The following PLA2G4A variants were observed in gnomAD, a reference collection of about 807,000 sequenced individuals.
PLA2G4A encodes the protein phospholipase A2 group IVA.
A neutral mutation model predicts 81.9 loss-of-function variants in PLA2G4A; 40 were observed. That is an observed-to-expected ratio of 0.49 (90% confidence interval 0.38 to 0.64). PLA2G4A has a LOEUF of 0.64. Ranked by LOEUF, PLA2G4A falls within the 30% of genes least tolerant of loss-of-function variation. The pLI is 0.00. For missense variants in PLA2G4A, 715 were observed against 905.1 expected (o/e 0.79, Z 2.69); for synonymous variants, 302 against 296.9 (o/e 1.02, Z -0.18).
At chr1:186,925,959 G>T (rs1298748424) in intron 7 of PLA2G4A, among the ~76,000 whole-genome samples, 3 of 152,176 alleles carry the variant, frequency 2.0e-5, no homozygotes, top group Non-Finnish European at 4.4e-5. Context: ...ATGCATGAGG[G>T]CACAGATTTA....
At position 186,950,674 on chromosome 1, in the gene PLA2G4A, C is replaced by T. The variant is rs1345075434; in HGVS notation, c.1282C>T (p.His428Tyr). ...TTTCACAGAAAATATTACCACAAAG[C>T]ATATTGTGAGTAATGATAGCTCGGA... is the stretch of plus-strand genomic sequence containing the variant. Reference protein sequence around the residue: ...EEELENITTKHIVSNDSSDSD... With the variant: ...EEELENITTKYIVSNDSSDSD... Residue 428 changes from histidine (H) to tyrosine (Y), a missense_variant, in exon 13 of 18, where the codon CAT becomes TAT. Physicochemically the swap from His to Tyr is moderately conservative, Grantham distance 83. Coordinates refer to ENST00000367466, the MANE Select transcript of PLA2G4A (RefSeq NM_024420.3). 2 of 1,586,868 alleles carry T rather than the reference C, an allele frequency of 1.3e-6. No individual in the cohort carries two copies. The highest frequency in any genetic ancestry group is 1.3e-5 in the African/African-American group (1 of 74,278).
At chr1:186,921,935 A>G (rs1655368459) in intron 7 of PLA2G4A, among the ~76,000 whole-genome samples, 2 of 152,244 alleles carry the variant, frequency 1.3e-5, no homozygotes, top group Non-Finnish European at 1.5e-5. Flanking sequence ...ACCCTGTGCC[A>G]TACCTTTGAC....
intron 7 of PLA2G4A, among the ~76,000 whole-genome samples, chr1:186,931,489 C>T (rs955159194): frequency 6.6e-6 from 1 of 150,788 alleles, no homozygotes; most frequent in African/African-American, 2.4e-5. Context: ...GCAGATTTAT[C>T]TTTCCCAATT....
intron 2 of PLA2G4A, among the ~76,000 whole-genome samples, chr1:186,858,788 G>C (rs1281062168): frequency 1.3e-5 from 2 of 151,902 alleles, no homozygotes; most frequent in Non-Finnish European, 1.5e-5. Flanking sequence ...TCCAACATCA[G>C]GCTTAGACAG....
chr1:186,832,565 A>G (rs906829706), intron 1 of PLA2G4A, among the ~76,000 whole-genome samples: 1 of 152,186 alleles, frequency 6.6e-6, no homozygotes, highest in Non-Finnish European at 1.5e-5. Context: ...AACAGAGCAA[A>G]TGACAACAAA....
At chr1:186,978,828 G>A (rs1303679742) in intron 16 of PLA2G4A, among the ~76,000 whole-genome samples, 5 of 152,202 alleles carry the variant, frequency 3.3e-5, no homozygotes, top group African/African-American at 1.2e-4. Flanking sequence ...TGGGGAAGTG[G>A]TAAAGGGAAG....
intron 7 of PLA2G4A, among the ~76,000 whole-genome samples, chr1:186,924,218 A>G (rs1420891923): frequency 2.0e-5 from 3 of 152,252 alleles, no homozygotes; most frequent in Non-Finnish European, 2.9e-5. Flanking sequence ...AAGAAAATAA[A>G]GAACAAAAAA....
intron 10 of PLA2G4A, among the ~76,000 whole-genome samples, chr1:186,941,278 A>T (rs1005841007): frequency 2.0e-5 from 3 of 152,134 alleles, no homozygotes; most frequent in Admixed American, 1.3e-4. Context: ...AAAAACCATC[A>T]TGAGTGGTGT....
chr1:186,986,227 A>G (rs1279986360), intron 17 of PLA2G4A, among the ~76,000 whole-genome samples: 1 of 152,168 alleles, frequency 6.6e-6, no homozygotes, highest in African/African-American at 2.4e-5. Context: ...TGATGTTGAT[A>G]TTGCTGATTT....
chr1:186,909,833 T>C lies in PLA2G4A; in HGVS notation c.417-1415T>C, dbSNP rs565256425. Among the ~76,000 whole-genome samples, 231 of 152,270 alleles carry C rather than the reference T, an allele frequency of 1.5e-3. 1 individual carries two copies. The highest frequency in any genetic ancestry group is 5.1e-3 in the African/African-American group (213 of 41,566). ...TTGGTTACTTCCCTTAAGATAGGTT[T>C]CCAGAAGTAGAATTATTAGGCCAAA... is the stretch of plus-strand genomic sequence containing the variant. On this transcript the variant is annotated intron_variant, in intron 6 of 17. Transcript: ENST00000367466.
At chr1:186,961,367 T>G (rs957201786) in intron 14 of PLA2G4A, among the ~76,000 whole-genome samples, 5 of 152,204 alleles carry the variant, frequency 3.3e-5, no homozygotes, top group Admixed American at 1.3e-4. Flanking sequence ...AAGTGATAAA[T>G]ATTTGATGTT....
intron 5 of PLA2G4A, among the ~76,000 whole-genome samples, chr1:186,895,425 A>T (rs1321116026): frequency 6.6e-6 from 1 of 152,188 alleles, no homozygotes; most frequent in Non-Finnish European, 1.5e-5. Context: ...CACTCACCAC[A>T]ATTCTGTCGA....
chr1:186,954,469 T>C (rs531856279), intron 13 of PLA2G4A, among the ~76,000 whole-genome samples: 60 of 152,102 alleles, frequency 3.9e-4, no homozygotes, highest in African/African-American at 1.4e-3. Context: ...GGGATAGCAT[T>C]AGGAGAAATA....
In PLA2G4A at chr1:186,979,394, C is replaced by T. The variant is rs922978638; in HGVS notation, c.2040C>T (p.Thr680=). 3 of 1,603,196 alleles carry T rather than the reference C, an allele frequency of 1.9e-6. No homozygotes were observed. The highest frequency in any genetic ancestry group is 2.6e-6 in the Non-Finnish European group (3 of 1,170,170). Residue 680 remains threonine (T), a synonymous_variant, in exon 17 of 18, where the codon ACC becomes ACT. Transcript: ENST00000367466. ...IFDDPESPFS[T]FNFQYPNQAF... ...ATGACCCAGAATCACCATTTTCAACCTTCAATTTTCAATATCCAAATCAAG... is the reference window on the plus strand; with the variant it reads ...ATGACCCAGAATCACCATTTTCAACTTTCAATTTTCAATATCCAAATCAAG...
At chr1:186,877,100 A>G (rs1653528767) in intron 3 of PLA2G4A, among the ~76,000 whole-genome samples, 1 of 152,084 alleles carries the variant, frequency 6.6e-6, no homozygotes, top group African/African-American at 2.4e-5. Flanking sequence ...CAATAAGAGC[A>G]TGTAGGAATC....
chr1:186,939,188 T>A lies in PLA2G4A; in HGVS notation c.876T>A (p.Thr292=). Residue 292 remains threonine (T), a synonymous_variant, in exon 9 of 18, where the codon ACT becomes ACA. Transcript: ENST00000367466. ...KKSSGQPVTF[T]DIFGMLIGET... ...GCTCTGGACAACCTGTCACCTTTAC[T>A]GATATCTTTGGGATGTTAATAGGAG... 1 of 1,604,808 alleles carries A rather than the reference T, an allele frequency of 6.2e-7. No individual in the cohort carries two copies. Among genetic ancestry groups the A allele is most frequent in the Non-Finnish European group, 8.5e-7 (1 of 1,171,726 alleles).
intron 5 of PLA2G4A, among the ~76,000 whole-genome samples, chr1:186,900,068 G>A (rs1034400867): frequency 3.3e-5 from 5 of 152,178 alleles, no homozygotes; most frequent in African/African-American, 1.2e-4. Context: ...TAAAATCTGG[G>A]TTAAACTGTA....
intron 3 of PLA2G4A, among the ~76,000 whole-genome samples, chr1:186,883,147 G>A (rs1420387736): frequency 6.6e-6 from 1 of 152,076 alleles, no homozygotes; most frequent in Non-Finnish European, 1.5e-5. Context: ...CAGAATGGAG[G>A]TAGGGCTCAC....
intron 5 of PLA2G4A, among the ~76,000 whole-genome samples, chr1:186,899,664 G>C (rs1345242616): frequency 1.3e-5 from 2 of 152,192 alleles, no homozygotes; most frequent in Non-Finnish European, 2.9e-5. Flanking sequence ...ACTTACAGTA[G>C]TGGGTTATGG....
Sources: allele counts gnomAD v4.1 joint callset (sites outside exome capture counted in the v4.1 genomes callset), GRCh38; gene constraint gnomAD v4.1.1; transcripts MANE v1.5; gene names NCBI Gene and HGNC (gene_info 2026-07-23, HGNC 2026-07-21).